Variants in PCCA observed in about 807,000 individuals in gnomAD.
PCCA encodes propionyl-CoA carboxylase alpha chain, mitochondrial.
In PCCA, 74 loss-of-function variants were observed where a neutral mutation model predicts 101.3. The observed-to-expected ratio is 0.73, with a 90% CI of 0.61 to 0.89. PCCA has a LOEUF of 0.89. Among genes scored for constraint, PCCA ranks in the 40% least tolerant of loss-of-function variants. The pLI is 0.00. For synonymous variants in PCCA, 294 were observed against 313.6 expected (o/e 0.94, Z 0.66); for missense variants, 891 against 907.0 (o/e 0.98, Z 0.23).
intron 4 of PCCA, among the ~76,000 whole-genome samples, chr13:100,143,990 C>G (rs2052228616): frequency 6.6e-6 from 1 of 151,752 alleles, no homozygotes; most frequent in Non-Finnish European, 1.5e-5. Context: ...TCTGGAACTC[C>G]TGGGCTCAAA....
intron 16 of PCCA, among the ~76,000 whole-genome samples, chr13:100,324,286 A>G (rs2068398586): frequency 6.6e-6 from 1 of 152,198 alleles, no homozygotes; most frequent in Non-Finnish European, 1.5e-5. Flanking sequence ...CCTGCATCCT[A>G]GAACTCTCCC....
At chr13:100,092,666 A>G (rs2046390922) in intron 1 of PCCA, among the ~76,000 whole-genome samples, 1 of 152,146 alleles carries the variant, frequency 6.6e-6, no homozygotes, top group Non-Finnish European at 1.5e-5. Context: ...TCTAATTACA[A>G]ATTGTCTCAT....
At chr13:100,098,050 G>A (rs573360354) in intron 1 of PCCA, among the ~76,000 whole-genome samples, 1 of 151,898 alleles carries the variant, frequency 6.6e-6, no homozygotes, top group South Asian at 2.1e-4. Context: ...ATGAAGCTAG[G>A]TGTGGTGGCA....
chr13:100,393,678 A>G (rs1291447176), intron 19 of PCCA, among the ~76,000 whole-genome samples: 2 of 152,066 alleles, frequency 1.3e-5, no homozygotes, highest in African/African-American at 4.8e-5. Flanking sequence ...CGGGCTCCCA[A>G]AGTGTTGGGA....
intron 10 of PCCA, among the ~76,000 whole-genome samples, chr13:100,266,407 A>G (rs1233475892): frequency 1.3e-5 from 2 of 152,244 alleles, no homozygotes; most frequent in Non-Finnish European, 2.9e-5. Flanking sequence ...AATGCCTCCC[A>G]GTTAATAGGC....
intron 19 of PCCA, among the ~76,000 whole-genome samples, chr13:100,423,227 CTG>C (rs1455652564): frequency 6.6e-6 from 1 of 152,186 alleles, no homozygotes; most frequent in African/African-American, 2.4e-5. Flanking sequence ...CACTCCACAT[CTG>C]CCCCTTCAGT....
At chr13:100,243,165 G>A (rs2061251335) in intron 8 of PCCA, among the ~76,000 whole-genome samples, 1 of 152,146 alleles carries the variant, frequency 6.6e-6, no homozygotes, top group Non-Finnish European at 1.5e-5. Flanking sequence ...CAAAGTGCTG[G>A]GATTACAAGT....
At chr13:100,114,576 C>A (rs1037764654) in intron 4 of PCCA, among the ~76,000 whole-genome samples, 1 of 151,922 alleles carries the variant, frequency 6.6e-6, no homozygotes, top group African/African-American at 2.4e-5. Flanking sequence ...GTAGCGTGGG[C>A]GACCAGGCGA....
chr13:100,089,963 G>T (rs2046127472), intron 1 of PCCA, among the ~76,000 whole-genome samples: 1 of 152,132 alleles, frequency 6.6e-6, no homozygotes, highest in East Asian at 1.9e-4. Flanking sequence ...AGTCAATGTC[G>T]AGTCTGTCGT....
chr13:100,379,534 G>A (rs2152826696), intron 19 of PCCA, among the ~76,000 whole-genome samples: 1 of 152,344 alleles, frequency 6.6e-6, no homozygotes, highest in South Asian at 2.1e-4. Context: ...CTGCTTGCCT[G>A]TATTAGTCTG....
intron 21 of PCCA, among the ~76,000 whole-genome samples, chr13:100,459,405 CAG>C (rs1418324722): frequency 1.3e-5 from 2 of 152,152 alleles, no homozygotes; most frequent in African/African-American, 4.8e-5. Flanking sequence ...ATTTTACAAA[CAG>C]AGCATTACTT....
intron 19 of PCCA, among the ~76,000 whole-genome samples, chr13:100,402,997 T>A (rs1304921634): frequency 3.3e-5 from 5 of 150,194 alleles, no homozygotes; most frequent in African/African-American, 1.3e-4. Flanking sequence ...TGTGGAGAAC[T>A]TAATTTTTTT....
At position 100,157,397 on chromosome 13, in the gene PCCA, G is replaced by A. The variant is rs115617435; in HGVS notation, c.468+57G>A. On this transcript the variant is annotated intron_variant, in intron 6 of 23. Transcript: ENST00000376285. ...TTCTTTTTCAGAAAGCAGTGTGGTA[G>A]CATGGCTTTGTAAATGTGGGTAGTG... 6.1e-4 allele frequency: 708 copies of A among 1,163,096 alleles called. 2 individuals carry two copies. In the African/African-American group the frequency reaches 9.6e-3, roughly 16 times the overall value. The allele number at this position is 1,163,096 out of a possible 1,614,324, so 72.0% of individuals were successfully genotyped here. A position where few individuals can be genotyped will look rare whatever the true frequency, so the allele number is the denominator to read the frequency against.
chr13:100,305,237 G>T (rs2066359096), intron 14 of PCCA, among the ~76,000 whole-genome samples: 1 of 152,112 alleles, frequency 6.6e-6, no homozygotes, highest in Non-Finnish European at 1.5e-5. Flanking sequence ...TTTATCGTAT[G>T]TATTTTAAAG....
intron 17 of PCCA, among the ~76,000 whole-genome samples, chr13:100,334,405 C>A (rs1373709262): frequency 6.6e-6 from 1 of 152,170 alleles, no homozygotes; most frequent in Non-Finnish European, 1.5e-5. Context: ...CTGCCTAACT[C>A]TTTGGCCTGC....
chr13:100,159,952 T>G (rs1261637102), intron 6 of PCCA, among the ~76,000 whole-genome samples: 2 of 152,246 alleles, frequency 1.3e-5, no homozygotes, highest in Non-Finnish European at 2.9e-5. Context: ...TTGTTTCAGT[T>G]TGATTGGAAT....
rs10678691 is a variant in PCCA at position 100,202,168 on chromosome 13, C to CAAA, written c.469-7146_469-7144dup. Among the ~76,000 whole-genome samples, 845 of 96,686 alleles carry CAAA rather than the reference C, an allele frequency of 8.7e-3. 11 individuals are homozygous for CAAA. Among genetic ancestry groups the CAAA allele is most frequent in the East Asian group, 0.025 (88 of 3,580 alleles). 63.4% of individuals were successfully genotyped at this position (96,686 alleles called of 152,430 possible). On this transcript the variant is annotated intron_variant, in intron 6 of 23. Transcript: ENST00000376285. ...AACATAGCAAGACTCCATCTCTACCCAAAAAAAAAAAAAAAAAAAACTGGG... is the reference window on the plus strand; with the variant it reads ...AACATAGCAAGACTCCATCTCTACCCAAAAAAAAAAAAAAAAAAAAAAACTGGG...
At position 100,456,867 on chromosome 13, in the gene PCCA, G is replaced by A. The variant is rs145631505; in HGVS notation, c.1899+7562G>A. Among the ~76,000 whole-genome samples, 837 of 152,182 alleles carry A rather than the reference G, an allele frequency of 5.5e-3. 7 individuals carry two copies. Among genetic ancestry groups the A allele is most frequent in the African/African-American group, 0.019 (780 of 41,504 alleles). ...GGGGTTTAGGACTCCAGATGACTGC[G>A]GGCAGACTGGGATAATATCCAGCCT... is the stretch of plus-strand genomic sequence containing the variant. On this transcript the variant is annotated intron_variant, in intron 21 of 23. Coordinates refer to ENST00000376285, the MANE Select transcript of PCCA (RefSeq NM_000282.4).
intron 8 of PCCA, among the ~76,000 whole-genome samples, chr13:100,256,034 T>C (rs1046205019): frequency 6.6e-6 from 1 of 152,162 alleles, no homozygotes; most frequent in Non-Finnish European, 1.5e-5. Flanking sequence ...TTTTTTCTTC[T>C]TTGGAAACGG....
Sources: gnomAD v4.1 joint callset for allele counts (sites outside exome capture counted in the v4.1 genomes callset) on GRCh38, gnomAD v4.1.1 for gene constraint, MANE v1.5 for transcripts, NCBI Gene and HGNC (gene_info 2026-07-23, HGNC 2026-07-21) for gene names.